ENTPD5: variants seen among roughly 807,000 people sequenced by gnomAD.
ENTPD5 encodes the protein ectonucleoside triphosphate diphosphohydrolase 5 (inactive).
In ENTPD5, 49 loss-of-function variants were observed where a neutral mutation model predicts 60.2. The observed-to-expected ratio is 0.81, with a 90% CI of 0.65 to 1.03. ENTPD5 has a LOEUF of 1.03. Ranked by LOEUF, ENTPD5 falls within the 50% of genes least tolerant of loss-of-function variation. The pLI is 0.00. For synonymous variants in ENTPD5, 187 were observed against 185.4 expected, an observed-to-expected ratio of 1.01 and a Z score of -0.07; for missense variants, 480 against 507.6, an observed-to-expected ratio of 0.95 and a Z score of 0.52.
At chr14:73,990,011 A>T (rs1364532625) in intron 3 of ENTPD5, among the ~76,000 whole-genome samples, 2 of 151,774 alleles carry the variant, frequency 1.3e-5, no homozygotes, top group Admixed American at 6.6e-5. Flanking sequence ...CGTCTCAAAA[A>T]AAATAAATAA....
downstream of ENTPD5, chr14:73,960,359 C>T: frequency 2.0e-6 from 2 of 986,882 alleles, no homozygotes; most frequent in Non-Finnish European, 2.4e-6. Context: ...ACTAATAATT[C>T]TGGAGTAGAC....
At chr14:74,003,525 G>A in intron 3 of ENTPD5, 1 of 957,946 alleles carries the variant, frequency 1.0e-6, no homozygotes, top group South Asian at 1.4e-5. Flanking sequence ...AACATGGAAT[G>A]CCAGATGCTG....
chr14:73,973,848 A>C (rs745321063), intron 12 of ENTPD5, 29 bp downstream of exon 12: 1 of 1,588,860 alleles, frequency 6.3e-7, no homozygotes, highest in South Asian at 1.1e-5. Flanking sequence ...TGTAAACGTA[A>C]CTTTAACCAG....
intron 10 of ENTPD5, among the ~76,000 whole-genome samples, chr14:73,975,288 T>A (rs1164842926): frequency 1.3e-5 from 2 of 151,978 alleles, no homozygotes; most frequent in Non-Finnish European, 2.9e-5. Context: ...TAGCCCCAAC[T>A]GGGATCACAT....
chr14:73,999,791 CA>C (rs202236341), intron 3 of ENTPD5, among the ~76,000 whole-genome samples: 5 of 141,080 alleles, frequency 3.5e-5, no homozygotes, highest in East Asian at 2.0e-4. Flanking sequence ...GACTCCGTCT[CA>C]AAAAAAAAGG....
At chr14:73,983,408 A>G (rs1490500746) in intron 5 of ENTPD5, among the ~76,000 whole-genome samples, 1 of 152,124 alleles carries the variant, frequency 6.6e-6, no homozygotes, top group East Asian at 1.9e-4. Context: ...GGATCATTTG[A>G]GGTCAGGAGT....
chr14:73,992,513 T>C (rs1318466920), intron 3 of ENTPD5, among the ~76,000 whole-genome samples: 1 of 150,272 alleles, frequency 6.7e-6, no homozygotes, highest in Non-Finnish European at 1.5e-5. Context: ...GGTGAAACTC[T>C]GTCTCTATTA....
chr14:74,006,369 C>T (rs144376326), intron 3 of ENTPD5, among the ~76,000 whole-genome samples: 2,048 of 151,158 alleles, frequency 0.014, 42 homozygotes, highest in African/African-American at 0.047. Flanking sequence ...CTGCAAGCTC[C>T]GCTTCCCGGG....
chr14:74,014,384 C>CTG (rs1442796614), intron 2 of ENTPD5, among the ~76,000 whole-genome samples: 62 of 148,296 alleles, frequency 4.2e-4, no homozygotes, highest in African/African-American at 1.5e-3. Flanking sequence ...CTTTACTCCC[C>CTG]CCCCCCACAA....
At chr14:73,988,576 T>C (rs1447342293) in intron 3 of ENTPD5, among the ~76,000 whole-genome samples, 1 of 152,228 alleles carries the variant, frequency 6.6e-6, no homozygotes, top group East Asian at 1.9e-4. Flanking sequence ...TATTGTTAAC[T>C]ATAGTCACCC....
chr14:74,000,045 G>A (rs1449590017), intron 3 of ENTPD5, among the ~76,000 whole-genome samples: 2 of 146,372 alleles, frequency 1.4e-5, no homozygotes, highest in African/African-American at 2.6e-5. Flanking sequence ...CCGAGGTCGC[G>A]TCACTGCACT....
At chr14:73,962,226 G>C (rs953413437), downstream of ENTPD5, among the ~76,000 whole-genome samples, 1 of 152,056 alleles carries the variant, frequency 6.6e-6, no homozygotes, top group South Asian at 2.1e-4. Context: ...GATTACAGGC[G>C]TGAGCCACTG....
At chr14:73,961,884 A>C, downstream of ENTPD5, 1 of 1,614,120 alleles carries the variant, frequency 6.2e-7, no homozygotes, top group South Asian at 1.1e-5. Flanking sequence ...CAGGCCACAA[A>C]TGCAGTGTCT....
intron 3 of ENTPD5, chr14:74,003,331 T>G: frequency 2.1e-6 from 1 of 483,472 alleles, no homozygotes. Flanking sequence ...CAATAAAAAC[T>G]GACAATAGAA....
chr14:73,986,994 C>A, intron 4 of ENTPD5, 101 bp from the exon 5 acceptor site: 1 of 864,988 alleles, frequency 1.2e-6, no homozygotes, highest in Non-Finnish European at 2.0e-6. Flanking sequence ...CTATGACTTC[C>A]CTGAAGTTAT....
chr14:73,974,615 T>C (rs1353350565), intron 11 of ENTPD5, among the ~76,000 whole-genome samples: 1 of 152,218 alleles, frequency 6.6e-6, no homozygotes, highest in Non-Finnish European at 1.5e-5. Flanking sequence ...AGCTCAGGGC[T>C]TGAGCAAGCT....
At chr14:73,990,103 T>C (rs1184292979) in intron 3 of ENTPD5, among the ~76,000 whole-genome samples, 2 of 151,918 alleles carry the variant, frequency 1.3e-5, no homozygotes, top group Non-Finnish European at 2.9e-5. Context: ...GAAGACCACT[T>C]GAGTCCAGGA....
chr14:73,982,712 C>T (rs531101534), intron 6 of ENTPD5, among the ~76,000 whole-genome samples: 250 of 151,942 alleles, frequency 1.6e-3, no homozygotes, highest in African/African-American at 5.7e-3. Flanking sequence ...GCCAAGATGG[C>T]GCCACTGCAC....
At chr14:73,956,562 G>C (rs1304499577), downstream of ENTPD5, 2 of 153,166 alleles carry the variant, frequency 1.3e-5, no homozygotes, top group Non-Finnish European at 2.9e-5. Context: ...CCTGTTGAGA[G>C]TGAAGTTGTA....
Sources: gnomAD v4.1 joint callset for allele counts (sites outside exome capture counted in the v4.1 genomes callset) on GRCh38, gnomAD v4.1.1 for gene constraint, MANE v1.5 for transcripts, NCBI Gene and HGNC (gene_info 2026-07-23, HGNC 2026-07-21) for gene names.